CEP131: variants seen among roughly 807,000 people sequenced by gnomAD.
The protein encoded by CEP131 is centrosomal protein 131.
In CEP131, 99 loss-of-function variants were observed where a neutral mutation model predicts 136.8. The ratio of observed to expected loss-of-function variants is 0.72; its 90% CI spans 0.62 to 0.86. The LOEUF (loss-of-function observed/expected upper bound fraction) is 0.86. CEP131 is among the 40% of genes least tolerant of loss of function. The pLI is 0.00. For missense variants in CEP131, 1,459 were observed against 1,463.0 expected (o/e 1.00, Z 0.04); for synonymous variants, 646 against 612.7 (o/e 1.05, Z -0.80).
chr17:81,190,110 G>A, intron 24 of CEP131, 135 bp from the exon 25 acceptor site: 1 of 781,090 alleles, frequency 1.3e-6, no homozygotes, highest in Non-Finnish European at 2.0e-6. Context: ...TCCTGTGGCT[G>A]GCCCAGACAG....
At position 81,220,005 on chromosome 17, in the gene CEP131, C is replaced by T; in HGVS notation, c.52G>A (p.Val18Met). 6.2e-7 allele frequency: 1 copy of T among 1,611,192 alleles called. No individual in the cohort carries two copies. Among genetic ancestry groups the T allele is most frequent in the Non-Finnish European group, 8.5e-7 (1 of 1,179,076 alleles). The change falls in exon 2 of 26, where the codon GTG becomes ATG. Residue 18 changes from valine (V) to methionine (M), a missense_variant. By Grantham distance (21) the Val-to-Met change is conservative. Around this residue, in one of 3 missense-constraint regions of CEP131, gnomAD observed 187 missense variants for 179.9 expected, o/e 1.04. Transcript: ENST00000450824. ...GSVPERSPAG[V>M]DLSLTGLPPP... ...GGGAGACCTGTCAGACTCAGGTCCA[C>T]ACCTGCTGGGCTGCGCTCCGGGACG...
rs909397085 is a variant in CEP131 at position 81,215,569 on chromosome 17, G to A, written c.177+4311C>T. Among the ~76,000 whole-genome samples, 5 of 151,822 alleles carry A rather than the reference G, an allele frequency of 3.3e-5. No individual in the cohort carries two copies. The highest frequency in any genetic ancestry group is 6.6e-5 in the Admixed American group (1 of 15,230). Reference sequence around the variant, plus strand: ...TGGCATTACAGGTGCCTGCCACCACGTCCAGCTATTTTTTCTATTTTTAGT... The same window carrying A: ...TGGCATTACAGGTGCCTGCCACCACATCCAGCTATTTTTTCTATTTTTAGT... On this transcript the variant is annotated intron_variant, in intron 2 of 25. Coordinates refer to ENST00000450824, the MANE Select transcript of CEP131 (RefSeq NM_014984.4). This position sits in a 1 kb window ranked among gnomAD's most constrained non-coding sequence, Gnocchi z 4.1.
In CEP131 at chr17:81,206,930, C is replaced by T. The variant is rs554270049; in HGVS notation, c.388-59G>A. 7.0e-6 allele frequency: 11 copies of T among 1,573,902 alleles called. No homozygotes were observed. In the South Asian group the frequency reaches 7.0e-5, roughly 10 times the overall value. On this transcript the variant is annotated intron_variant, in intron 4 of 25. Coordinates refer to ENST00000450824, the MANE Select transcript of CEP131 (RefSeq NM_014984.4). ...ACACACCCAGACACCCCATCCCTTC[C>T]CTGCCTCTCCCACAAACGGGAGGAG...
intron 12 of CEP131, 64 bp downstream of exon 12, chr17:81,198,051 C>A: frequency 1.3e-6 from 2 of 1,495,590 alleles, no homozygotes; most frequent in African/African-American, 1.4e-5. Flanking sequence ...CCACAGCCAC[C>A]GCATGCTCTG....
At chr17:81,217,647 C>T (rs2062278376) in intron 2 of CEP131, among the ~76,000 whole-genome samples, 2 of 152,154 alleles carry the variant, frequency 1.3e-5, no homozygotes, top group African/African-American at 2.4e-5. Context: ...GGCAGACAGG[C>T]ATGCAGGGGT....
intron 13 of CEP131, 139 bp from the exon 14 acceptor site, chr17:81,197,194 A>C: frequency 7.7e-7 from 1 of 1,292,334 alleles, no homozygotes; most frequent in South Asian, 1.6e-5. Flanking sequence ...GCCGGAGGGC[A>C]GGTGGCAGGC....
In CEP131 at chr17:81,202,356, G is replaced by A. The variant is rs1037264208; in HGVS notation, c.672C>T (p.Ser224=). The part of the protein sequence containing the change: ...KAATCEGSES[S]GFGKLPKNVS... ...CATTCTTCGGCAGCTTCCCAAAGCC[G>A]CTGCTCTCACTGCCCTCACAGGTGG... The change falls in exon 7 of 26, where the codon AGC becomes AGT. Residue 224 remains serine (S), a synonymous_variant. Transcript: ENST00000450824. 21 of 1,613,400 alleles carry A rather than the reference G, an allele frequency of 1.3e-5. No homozygotes were observed. Among genetic ancestry groups the A allele is most frequent in the Admixed American group, 8.3e-5 (5 of 59,988 alleles).
Position 81,200,331 on chromosome 17 carries a change from C to T in CEP131, c.904G>A (p.Glu302Lys). ...RLEHLLQAKREEQRQRSGEGT... is the reference protein window; with the variant it reads ...RLEHLLQAKRKEQRQRSGEGT... ...GTGACTGAGACGCCCACACTGACCT[C>T]CCGCTTGGCCTGAAGCAAGTGCTCC... The change falls in exon 8 of 26, where the codon GAG (glutamate) becomes AAG (lysine). Residue 302 changes from glutamate (E) to lysine (K), a missense_variant and splice_region_variant. Transcript: ENST00000450824. The T allele has an allele frequency of 6.2e-7, 1 of 1,601,388 alleles. No individual in the cohort carries two copies. The highest frequency in any genetic ancestry group is 1.1e-5 in the South Asian group (1 of 89,136).
At chr17:81,210,676 C>T (rs184571730) in intron 2 of CEP131, among the ~76,000 whole-genome samples, 6 of 152,142 alleles carry the variant, frequency 3.9e-5, no homozygotes, top group Non-Finnish European at 5.9e-5. Flanking sequence ...GATGCCACGG[C>T]GACCAGTGAT....
rs887524000 is a variant in CEP131, at chr17:81,203,289, G to A, written c.629+205C>T. Among the ~76,000 whole-genome samples the A allele has an allele frequency of 6.6e-6, 1 of 152,218 alleles. No individual in the cohort carries two copies. The highest frequency in any genetic ancestry group is 2.4e-5 in the African/African-American group (1 of 41,456). On this transcript the variant is annotated intron_variant, in intron 6 of 25. Coordinates refer to ENST00000450824, the MANE Select transcript of CEP131 (RefSeq NM_014984.4). This position sits in a 1 kb window ranked among gnomAD's most constrained non-coding sequence, Gnocchi z 4.6. The stretch of plus-strand genomic sequence containing the variant: ...ACGTGGATGGGGAGCCCGGTTCACA[G>A]CTGCTCCACGCGGTTTTACGTGCAC...
chr17:81,205,368 A>C (rs1332692140), intron 5 of CEP131, among the ~76,000 whole-genome samples: 1 of 106,550 alleles, frequency 9.4e-6, no homozygotes, highest in Non-Finnish European at 2.0e-5. Flanking sequence ...TGTGGGTAGG[A>C]GGGGCAGCAG....
intron 7 of CEP131, among the ~76,000 whole-genome samples, chr17:81,201,332 C>T (rs931065328): frequency 2.0e-5 from 3 of 152,052 alleles, no homozygotes; most frequent in Middle Eastern, 3.2e-3. Context: ...GAGCAGGCTC[C>T]GAAAGTCCAG....
At position 81,215,935 on chromosome 17, in the gene CEP131, C is replaced by G. The variant is rs573684370; in HGVS notation, c.177+3945G>C. ...CTGCTACAAAACAATGTAAGGAAAG[C>G]GGGAGCAGGGTCAGGTGCAGCGGCC... On this transcript the variant is annotated intron_variant, in intron 2 of 25. Transcript: ENST00000450824. This position sits in a 1 kb window ranked among gnomAD's most constrained non-coding sequence, Gnocchi z 4.1. Among the ~76,000 whole-genome samples, 64 of 152,074 alleles carry G rather than the reference C, an allele frequency of 4.2e-4. No homozygotes were observed. Among genetic ancestry groups the G allele is most frequent in the African/African-American group, 1.4e-3 (60 of 41,508 alleles).
intron 19 of CEP131, 41 bp from the exon 20 acceptor site, chr17:81,192,634 T>G: frequency 6.6e-7 from 1 of 1,520,284 alleles, no homozygotes; most frequent in Non-Finnish European, 8.8e-7. Flanking sequence ...GGTCATCGAG[T>G]AAGGAGTCAG....
rs113793019 is a variant in CEP131 at position 81,191,093 on chromosome 17, G to A, written c.2766-9C>T. 7 of 1,594,806 alleles carry A rather than the reference G, an allele frequency of 4.4e-6. No homozygotes were observed. The South Asian group carries it at 4.5e-5, about 10-fold the overall frequency. ...CCCGTAAGCGCTTGATGCTGGAGGT[G>A]GGGGGAGGGCAGGGTCACTCCAGCC... On this transcript the variant is annotated splice_polypyrimidine_tract_variant and intron_variant, in intron 22 of 25. Coordinates refer to ENST00000450824, the MANE Select transcript of CEP131 (RefSeq NM_014984.4).
In CEP131 at chr17:81,197,082, G is replaced by A. The variant is rs202115809; in HGVS notation, c.1648-27C>T. On this transcript the variant is annotated intron_variant, in intron 13 of 25. Transcript: ENST00000450824. ...TGCAGACACAGCCGAGCGTCAGGCG[G>A]AAGCGGCAGAGGACGGGGGGCAGCC... 12,415 of 1,571,676 alleles carry A rather than the reference G, an allele frequency of 7.9e-3. 62 individuals are homozygous for A. Among genetic ancestry groups the A allele is most frequent in the Non-Finnish European group, 8.7e-3 (10,066 of 1,158,918 alleles).
At chr17:81,221,959 A>G (rs1598335864) in intron 1 of CEP131, among the ~76,000 whole-genome samples, 1 of 152,132 alleles carries the variant, frequency 6.6e-6, no homozygotes, top group East Asian at 1.9e-4. Context: ...GGAGCGATGG[A>G]TACCCCTACT....
chr17:81,189,870 T>C, intron 25 of CEP131, 27 bp from the exon 26 acceptor site: 1 of 1,612,474 alleles, frequency 6.2e-7, no homozygotes, highest in Non-Finnish European at 8.5e-7. Context: ...GGGTCAGGCC[T>C]GCTCCCAGCC....
rs1296603741 is a variant in CEP131, at chr17:81,219,763, G to C, written c.177+117C>G. 2 of 1,119,880 alleles carry C rather than the reference G, an allele frequency of 1.8e-6. No homozygotes were observed. Among genetic ancestry groups the C allele is most frequent in the African/African-American group, 1.6e-5 (1 of 61,390 alleles). 69.4% of individuals were successfully genotyped at this position (1,119,880 alleles called of 1,614,324 possible). A position where few individuals can be genotyped will look rare whatever the true frequency, so the allele number is the denominator to read the frequency against. ...CTCCTGGAACAGCCACGAGGATCCAGCATGTCCAGATGTGAGGCACTTGTT... is the reference window on the plus strand; with the variant it reads ...CTCCTGGAACAGCCACGAGGATCCACCATGTCCAGATGTGAGGCACTTGTT... On this transcript the variant is annotated intron_variant, in intron 2 of 25. Transcript: ENST00000450824. This position sits in a 1 kb window ranked among gnomAD's most constrained non-coding sequence, Gnocchi z 4.0.
Sources: allele counts gnomAD v4.1 joint callset (sites outside exome capture counted in the v4.1 genomes callset), GRCh38; gene constraint gnomAD v4.1.1; regional missense constraint gnomAD v4.1.1; non-coding constraint Gnocchi (gnomAD v3.1); transcripts MANE v1.5; gene names NCBI Gene and HGNC (gene_info 2026-07-23, HGNC 2026-07-21).